The following PWWP2A variants were observed in gnomAD, a reference collection of about 807,000 sequenced individuals.
PWWP2A encodes the protein PWWP domain containing 2A.
PWWP2A carries 18 observed loss-of-function variants against 48.5 expected under a neutral mutation model. That is an observed-to-expected ratio of 0.37 (90% CI 0.26 to 0.55). The LOEUF (loss-of-function observed/expected upper bound fraction) is 0.55. Among genes scored for constraint, PWWP2A ranks in the 20% least tolerant of loss-of-function variants. The pLI, the probability that PWWP2A is intolerant of heterozygous loss-of-function variation, is 0.81. For synonymous variants in PWWP2A, 396 were observed against 387.7 expected, an observed-to-expected ratio of 1.02 and a Z score of -0.25; for missense variants, 867 against 976.4, an observed-to-expected ratio of 0.89 and a Z score of 1.49.
the PWWP2A span, among the ~76,000 whole-genome samples, chr5:160,045,515 TACACA>T: frequency 0.015 from 566 of 37,564 alleles, 18 homozygotes; most frequent in African/African-American, 0.034. Flanking sequence ...CACACACACA[TACACA>T]CTCTCTCTCT....
the PWWP2A span, among the ~76,000 whole-genome samples, chr5:160,052,292 C>A: frequency 2.0e-5 from 3 of 151,984 alleles, no homozygotes; most frequent in East Asian, 5.8e-4. Context: ...TTGCTTGAGC[C>A]CAGGAGTTCA....
downstream of PWWP2A, among the ~76,000 whole-genome samples, chr5:160,056,988 T>C (rs755275433): frequency 3.9e-5 from 6 of 152,074 alleles, no homozygotes; most frequent in African/African-American, 1.2e-4. Context: ...TTTTTTTTTT[T>C]CCACATTTCT....
intron 1 of PWWP2A, among the ~76,000 whole-genome samples, chr5:160,112,545 C>T (rs1032310873): frequency 8.6e-5 from 13 of 152,036 alleles, no homozygotes; most frequent in Non-Finnish European, 1.5e-4. Context: ...TAAGTAAATA[C>T]AATGCTCAAC....
At chr5:160,048,949 TA>T in the PWWP2A span, among the ~76,000 whole-genome samples, 101,671 of 149,936 alleles carry the variant, frequency 0.68, 34,390 homozygotes, top group East Asian at 0.74. Context: ...AGACTCCGTC[TA>T]AAAAAAAAAA....
the PWWP2A span, among the ~76,000 whole-genome samples, chr5:160,047,631 T>C: frequency 6.6e-6 from 1 of 152,276 alleles, no homozygotes; most frequent in East Asian, 1.9e-4. Context: ...TCCAGTGGCT[T>C]CTCATCACAC....
chr5:160,054,212 C>G, the PWWP2A span, among the ~76,000 whole-genome samples: 1 of 152,092 alleles, frequency 6.6e-6, no homozygotes, highest in Non-Finnish European at 1.5e-5. Context: ...AAATAGAGAC[C>G]CTGGACATAG....
chr5:160,093,116 A>T lies in PWWP2A; in HGVS notation c.1534T>A (p.Ser512Thr), dbSNP rs1410685953. The T allele has an allele frequency of 6.2e-7, 1 of 1,613,910 alleles. No homozygotes were observed. Among genetic ancestry groups the T allele is most frequent in the Non-Finnish European group, 8.5e-7 (1 of 1,179,868 alleles). The change falls in exon 2 of 2, where the codon TCT (serine) becomes ACT (threonine). Residue 512 changes from serine (S) to threonine (T), a missense_variant. Ser to Thr is a moderately conservative substitution (Grantham distance 58). Around this residue, in one of 4 missense-constraint regions of PWWP2A, gnomAD observed 382 missense variants for 407.2 expected, o/e 0.94. Coordinates refer to ENST00000307063, the MANE Select transcript of PWWP2A (RefSeq NM_001130864.2). The surrounding 1 kb of genome is among the most constrained non-coding windows in gnomAD (Gnocchi z 5.8). ...GGGGCCTCACCTGCTGAGCGGGTAG[A>T]GGTGCAGCGAGACTGGGGCTTGGGT... ...MAPKPQSRCTSTRSAGEAPSE... is the reference protein window; with the variant it reads ...MAPKPQSRCTTTRSAGEAPSE...
the PWWP2A span, among the ~76,000 whole-genome samples, chr5:160,046,933 A>T: frequency 8.5e-5 from 13 of 152,104 alleles, no homozygotes; most frequent in Non-Finnish European, 1.8e-4. Context: ...AATCACTTGA[A>T]CCTGGGAGGT....
At chr5:160,073,038 A>G (rs1289091672), downstream of PWWP2A, among the ~76,000 whole-genome samples, 1 of 149,354 alleles carries the variant, frequency 6.7e-6, no homozygotes, top group African/African-American at 2.5e-5. Context: ...AAAAAATCCT[A>G]ACATCTCCCC....
chr5:160,112,267 C>A (rs1447848563), intron 1 of PWWP2A, among the ~76,000 whole-genome samples: 1 of 152,078 alleles, frequency 6.6e-6, no homozygotes, highest in South Asian at 2.1e-4. Context: ...GTCATCCGGG[C>A]TAGAGTGCAG....
the PWWP2A span, among the ~76,000 whole-genome samples, chr5:160,052,515 CCTATTTTTACTA>C: frequency 8.5e-6 from 1 of 118,150 alleles, no homozygotes; most frequent in Non-Finnish European, 1.6e-5. Flanking sequence ...CATTTTCTCA[CCTATTTTTACTA>C]ACAATGATGC....
intron 2 of PWWP2A, among the ~76,000 whole-genome samples, chr5:160,067,548 T>C (rs927720244): frequency 1.3e-5 from 2 of 151,738 alleles, no homozygotes; most frequent in African/African-American, 4.8e-5. Flanking sequence ...TTGCCACGAG[T>C]GTAGAGGTTT....
chr5:160,092,911 G>A lies in PWWP2A; in HGVS notation c.1739C>T (p.Ala580Val). Residue 580 changes from alanine to valine, a missense_variant, in exon 2 of 2, where the codon GCT becomes GTT. Physicochemically the swap from Ala to Val is moderately conservative, Grantham distance 64. Coordinates refer to ENST00000307063, the MANE Select transcript of PWWP2A (RefSeq NM_001130864.2). ...LNQKKSDSSS[A>V]SVCSIDSTDD... is the part of the protein sequence containing the mutation. ...TGTGCTATCAATGCTACACACTGAA[G>A]CACTGGAAGAGTCAGATTTCTTTTG... 3 of 1,551,726 alleles carry A rather than the reference G, an allele frequency of 1.9e-6. No individual in the cohort carries two copies. In the South Asian group the frequency reaches 3.6e-5, roughly 18 times the overall value.
downstream of PWWP2A, chr5:160,090,665 A>G: frequency 1.0e-6 from 1 of 977,178 alleles, no homozygotes; most frequent in Non-Finnish European, 1.2e-6. Flanking sequence ...TGACAAGACT[A>G]TTGATTTTCA....
At chr5:160,103,590 G>A (rs1756530760) in intron 1 of PWWP2A, among the ~76,000 whole-genome samples, 1 of 152,120 alleles carries the variant, frequency 6.6e-6, no homozygotes, top group South Asian at 2.1e-4. Flanking sequence ...AATGGGCTTT[G>A]CAGGGAATGG....
chr5:160,085,177 C>G (rs893870683), intron 2 of PWWP2A, among the ~76,000 whole-genome samples: 3 of 151,432 alleles, frequency 2.0e-5, no homozygotes, highest in Admixed American at 6.6e-5. Context: ...TACAGGCACC[C>G]ACCACCATGC....
At chr5:160,089,791 C>A, downstream of PWWP2A, 1 of 985,370 alleles carries the variant, frequency 1.0e-6, no homozygotes, top group Non-Finnish European at 1.2e-6. Flanking sequence ...TACTCCCACT[C>A]CAAGGGGAAA....
intron 1 of PWWP2A, among the ~76,000 whole-genome samples, chr5:160,109,349 C>T (rs79729164): frequency 6.9e-6 from 1 of 145,452 alleles, no homozygotes; most frequent in Admixed American, 7.1e-5. Context: ...ATCCCCTGCT[C>T]CAAAAAAAAA....
chr5:160,093,659 C>T lies in PWWP2A; in HGVS notation c.991G>A (p.Ala331Thr). The T allele has an allele frequency of 6.2e-7, 1 of 1,613,914 alleles. No homozygotes were observed. Among genetic ancestry groups the T allele is most frequent in the East Asian group, 2.2e-5 (1 of 44,880 alleles). The change falls in exon 2 of 2, where the codon GCT (alanine) becomes ACT (threonine). Residue 331 changes from alanine to threonine, a missense_variant. Ala to Thr is a moderately conservative substitution (Grantham distance 58). Coordinates refer to ENST00000307063, the MANE Select transcript of PWWP2A (RefSeq NM_001130864.2). This position sits in a 1 kb window ranked among gnomAD's most constrained non-coding sequence, Gnocchi z 5.8. Reference sequence around the variant, plus strand: ...CCTTTTCTAATTTCCTTTTTTTCAGCAACAACACTGTTTTTACATTTATCA... The same window carrying T: ...CCTTTTCTAATTTCCTTTTTTTCAGTAACAACACTGTTTTTACATTTATCA... ...LCDKCKNSVV[A>T]EKKEIRKGSS...
Sources: gnomAD v4.1 joint callset for allele counts (sites outside exome capture counted in the v4.1 genomes callset) on GRCh38, gnomAD v4.1.1 for gene constraint, gnomAD v4.1.1 regional missense constraint, Gnocchi (gnomAD v3.1) non-coding constraint, MANE v1.5 for transcripts, NCBI Gene and HGNC (gene_info 2026-07-23, HGNC 2026-07-21) for gene names.